CAST: variants seen among roughly 807,000 people sequenced by gnomAD.
CAST encodes calpastatin.
CAST carries 76 observed loss-of-function variants against 119.6 expected under a neutral mutation model. The observed-to-expected ratio is 0.64, with a 90% CI of 0.53 to 0.77. The LOEUF (loss-of-function observed/expected upper bound fraction) is 0.77, where lower values mean the gene tolerates loss of function less well. Ranked by LOEUF, CAST falls within the 30% of genes least tolerant of loss-of-function variation. CAST has a pLI of 0.00. For synonymous variants in CAST, 319 were observed against 331.6 expected (o/e 0.96, Z 0.41); for missense variants, 953 against 946.5 (o/e 1.01, Z -0.09).
the CAST span, among the ~76,000 whole-genome samples, chr5:96,360,320 C>A: frequency 6.6e-6 from 1 of 152,118 alleles, no homozygotes; most frequent in Non-Finnish European, 1.5e-5. Flanking sequence ...TACCCACCTT[C>A]TGAAGCCTAC....
At chr5:96,352,531 G>T in the CAST span, among the ~76,000 whole-genome samples, 2 of 152,206 alleles carry the variant, frequency 1.3e-5, no homozygotes, top group East Asian at 3.9e-4. Flanking sequence ...TAGGAGATCT[G>T]GTTTTAGCTT....
the CAST span, among the ~76,000 whole-genome samples, chr5:96,200,566 G>A: frequency 6.6e-6 from 1 of 152,118 alleles, no homozygotes; most frequent in Non-Finnish European, 1.5e-5. Context: ...TGTAATGGGA[G>A]CTCTAAGGTA....
chr5:96,615,781 T>G (rs1747443369), intron 1 of CAST, among the ~76,000 whole-genome samples: 1 of 152,048 alleles, frequency 6.6e-6, no homozygotes, highest in African/African-American at 2.4e-5. Context: ...CTAGGGCAAG[T>G]GTAAATGTTC....
intron 3 of CAST, among the ~76,000 whole-genome samples, chr5:96,698,217 G>T (rs991117415): frequency 3.3e-5 from 5 of 151,980 alleles, no homozygotes; most frequent in African/African-American, 1.2e-4. Context: ...TAACGTAGAA[G>T]TTACCCTATT....
chr5:96,375,955 A>C, the CAST span, among the ~76,000 whole-genome samples: 3 of 148,324 alleles, frequency 2.0e-5, no homozygotes, highest in African/African-American at 4.9e-5. Flanking sequence ...ATATATATAT[A>C]TATCTCCTAT....
chr5:95,981,788 T>C, the CAST span, among the ~76,000 whole-genome samples: 2 of 152,078 alleles, frequency 1.3e-5, no homozygotes, highest in South Asian at 4.1e-4. Flanking sequence ...GGTAGGAGAA[T>C]CACTTGAACC....
the CAST span, among the ~76,000 whole-genome samples, chr5:96,371,625 G>T: frequency 6.6e-6 from 1 of 152,144 alleles, no homozygotes; most frequent in Non-Finnish European, 1.5e-5. Flanking sequence ...TAAATCACAG[G>T]AAAGAAGGAA....
chr5:96,743,775 A>C (rs1763180895), intron 16 of CAST: 3 of 1,354,806 alleles, frequency 2.2e-6, no homozygotes, highest in Non-Finnish European at 3.1e-6. Flanking sequence ...GGGAAACTTG[A>C]TTACAACACA....
the CAST span, among the ~76,000 whole-genome samples, chr5:96,081,551 T>C: frequency 9.2e-5 from 14 of 152,284 alleles, no homozygotes; most frequent in African/African-American, 3.4e-4. Flanking sequence ...AGTTTGTTAA[T>C]AGAGAGCTGG....
At chr5:96,053,845 T>C in the CAST span, among the ~76,000 whole-genome samples, 1 of 152,256 alleles carries the variant, frequency 6.6e-6, no homozygotes, top group African/African-American at 2.4e-5. Context: ...TTTGACCACA[T>C]ACATATGATG....
chr5:96,584,910 G>A (rs1418689723), intron 1 of CAST: 2 of 152,130 alleles, frequency 1.3e-5, no homozygotes, highest in East Asian at 1.9e-4. Context: ...AAACAGGAAG[G>A]ACTCGGTCAC....
the CAST span, among the ~76,000 whole-genome samples, chr5:96,015,856 G>A: frequency 2.6e-5 from 4 of 152,046 alleles, no homozygotes; most frequent in Non-Finnish European, 4.4e-5. Flanking sequence ...TGGTATTGTG[G>A]GGAACTTCAT....
At chr5:96,182,526 G>T in the CAST span, among the ~76,000 whole-genome samples, 1 of 152,182 alleles carries the variant, frequency 6.6e-6, no homozygotes, top group Non-Finnish European at 1.5e-5. Context: ...AAGATGAATT[G>T]ATTTTAAATC....
the CAST span, among the ~76,000 whole-genome samples, chr5:95,962,644 A>G: frequency 6.6e-6 from 1 of 152,186 alleles, no homozygotes; most frequent in Non-Finnish European, 1.5e-5. Flanking sequence ...ATGGTATAAT[A>G]GAGAATTGAG....
chr5:96,098,991 G>A, the CAST span, among the ~76,000 whole-genome samples: 1 of 152,080 alleles, frequency 6.6e-6, no homozygotes, highest in Non-Finnish European at 1.5e-5. Context: ...TTTCATCTCT[G>A]ATTTGTTTGA....
chr5:96,176,886 T>C, the CAST span, among the ~76,000 whole-genome samples: 1 of 152,224 alleles, frequency 6.6e-6, no homozygotes, highest in South Asian at 2.1e-4. Flanking sequence ...TCTTTAATAA[T>C]GTGCCTTTAA....
At chr5:96,035,041 G>GTATATA in the CAST span, among the ~76,000 whole-genome samples, 1,088 of 107,876 alleles carry the variant, frequency 0.01, 18 homozygotes, top group African/African-American at 0.033. Flanking sequence ...TTGTATTTAA[G>GTATATA]TATATATATA....
At chr5:96,252,550 T>C in the CAST span, among the ~76,000 whole-genome samples, 1 of 152,102 alleles carries the variant, frequency 6.6e-6, no homozygotes, top group Non-Finnish European at 1.5e-5. Flanking sequence ...GTATTAACAG[T>C]CCTATTTTAA....
the CAST span, among the ~76,000 whole-genome samples, chr5:96,043,319 T>C: frequency 1.3e-5 from 2 of 152,148 alleles, no homozygotes; most frequent in Non-Finnish European, 2.9e-5. Flanking sequence ...AACCTCATAG[T>C]CAATAAGGGA....
Sources: gnomAD v4.1 joint callset for allele counts (sites outside exome capture counted in the v4.1 genomes callset) on GRCh38, gnomAD v4.1.1 for gene constraint, MANE v1.5 for transcripts, NCBI Gene and HGNC (gene_info 2026-07-23, HGNC 2026-07-21) for gene names.